Variants in FRMD5 observed in about 807,000 individuals in gnomAD.
FRMD5 encodes the protein FERM domain containing 5.
FRMD5 carries 20 observed loss-of-function variants against 69.0 expected under a neutral mutation model. That is an observed-to-expected ratio of 0.29 (90% CI 0.20 to 0.42). The LOEUF is 0.42. Ranked by LOEUF, FRMD5 falls within the 10% of genes least tolerant of loss-of-function variation. The pLI, the probability that FRMD5 is intolerant of heterozygous loss-of-function variation, is 1.00. For missense variants in FRMD5, 595 were observed against 708.6 expected (o/e 0.84, Z 1.82); for synonymous variants, 271 against 260.1 (o/e 1.04, Z -0.40).
intron 1 of FRMD5, among the ~76,000 whole-genome samples, chr15:44,012,889 C>T (rs1051027924): frequency 2.2e-4 from 34 of 151,650 alleles, no homozygotes; most frequent in Non-Finnish European, 4.4e-4. Flanking sequence ...GCCTCAGCCT[C>T]CCAAGTAGCT....
intron 1 of FRMD5, among the ~76,000 whole-genome samples, chr15:43,960,233 C>T (rs190182907): frequency 9.9e-4 from 151 of 151,798 alleles, no homozygotes; most frequent in Admixed American, 3.0e-3. Context: ...GGACTACAGG[C>T]GCCCACCACC....
At chr15:43,988,078 G>T (rs1242956084) in intron 1 of FRMD5, among the ~76,000 whole-genome samples, 1 of 152,122 alleles carries the variant, frequency 6.6e-6, no homozygotes, top group Non-Finnish European at 1.5e-5. Flanking sequence ...ATCTAATGCT[G>T]CTGCTGATCT....
intron 1 of FRMD5, among the ~76,000 whole-genome samples, chr15:44,114,387 T>C (rs951467952): frequency 6.6e-6 from 1 of 152,204 alleles, no homozygotes; most frequent in African/African-American, 2.4e-5. Context: ...TCTGAGTCTG[T>C]GTTCACCAAG....
chr15:43,938,119 T>C (rs1265778373), intron 1 of FRMD5, among the ~76,000 whole-genome samples: 1 of 151,252 alleles, frequency 6.6e-6, no homozygotes, highest in East Asian at 2.0e-4. Flanking sequence ...TAGTCCCAGC[T>C]ACTCGGGAGG....
chr15:43,976,504 T>C (rs1413367076), intron 1 of FRMD5, among the ~76,000 whole-genome samples: 1 of 152,094 alleles, frequency 6.6e-6, no homozygotes, highest in African/African-American at 2.4e-5. Flanking sequence ...AACAAAGATA[T>C]ATATGGATGG....
chr15:44,108,653 A>C (rs969391322), intron 1 of FRMD5, among the ~76,000 whole-genome samples: 3 of 151,834 alleles, frequency 2.0e-5, no homozygotes, highest in African/African-American at 7.3e-5. Flanking sequence ...CTCAATAACA[A>C]CACCAAAAAA....
chr15:43,883,744 G>T lies in FRMD5; in HGVS notation c.1094C>A (p.Pro365His). 6.2e-7 allele frequency: 1 copy of T among 1,613,862 alleles called. No homozygotes were observed. Among genetic ancestry groups the T allele is most frequent in the Non-Finnish European group, 8.5e-7 (1 of 1,179,856 alleles). Residue 365 changes from proline to histidine, a missense_variant, in exon 13 of 14, where the codon CCC becomes CAC. Pro to His is a moderately conservative substitution (Grantham distance 77, BLOSUM62 -2). Around this residue, in one of 5 missense-constraint regions of FRMD5, gnomAD observed 176 missense variants for 266.3 expected, o/e 0.66. Transcript: ENST00000417257. ...ITHGPRLSSV[P>H]RTRRRAVHIS... ...GTGAACAGCTCTTCTGCGGGTCCTG[G>T]GGACGCTGCTCAGCCTTGGGCCATG...
chr15:43,893,214 A>G (rs1215052208), intron 7 of FRMD5, among the ~76,000 whole-genome samples: 2 of 152,152 alleles, frequency 1.3e-5, no homozygotes, highest in East Asian at 1.9e-4. Flanking sequence ...ATCCACTTTC[A>G]TAATAGTCCT....
intron 1 of FRMD5, among the ~76,000 whole-genome samples, chr15:43,962,229 G>A (rs940847279): frequency 1.4e-4 from 21 of 152,228 alleles, no homozygotes; most frequent in African/African-American, 3.6e-4. Flanking sequence ...AAATCAATGT[G>A]CAAAAATCAC....
At chr15:44,042,665 C>T (rs1425690218) in intron 1 of FRMD5, among the ~76,000 whole-genome samples, 1 of 152,172 alleles carries the variant, frequency 6.6e-6, no homozygotes, top group African/African-American at 2.4e-5. Context: ...TAAACAGAAC[C>T]AATAACAAAA....
intron 1 of FRMD5, among the ~76,000 whole-genome samples, chr15:43,965,576 CT>C (rs35986581): frequency 0.13 from 14,359 of 110,392 alleles, 415 homozygotes; most frequent in Non-Finnish European, 0.18. Context: ...TTTAAAAAGT[CT>C]TTTTTTTTTT....
At chr15:44,012,030 C>T (rs1890743702) in intron 1 of FRMD5, among the ~76,000 whole-genome samples, 1 of 152,176 alleles carries the variant, frequency 6.6e-6, no homozygotes, top group Non-Finnish European at 1.5e-5. Flanking sequence ...CTTGACTCTT[C>T]TTTTTCCTTC....
chr15:43,944,858 G>C (rs1440335302), intron 1 of FRMD5, among the ~76,000 whole-genome samples: 1 of 152,114 alleles, frequency 6.6e-6, no homozygotes, highest in Non-Finnish European at 1.5e-5. Context: ...CTCCTTTCTG[G>C]AATTTTCCTC....
At chr15:43,966,216 C>G (rs891267481) in intron 1 of FRMD5, among the ~76,000 whole-genome samples, 2 of 151,656 alleles carry the variant, frequency 1.3e-5, no homozygotes, top group Non-Finnish European at 2.9e-5. Flanking sequence ...AATAAAAATA[C>G]AAAAGTTAGC....
At chr15:44,002,744 T>C (rs987415591) in intron 1 of FRMD5, among the ~76,000 whole-genome samples, 4 of 152,174 alleles carry the variant, frequency 2.6e-5, no homozygotes, top group Admixed American at 2.6e-4. Flanking sequence ...GATCTTTAAC[T>C]ACCAGGCCCA....
At chr15:44,140,899 A>T (rs2077263517) in intron 1 of FRMD5, among the ~76,000 whole-genome samples, 1 of 151,472 alleles carries the variant, frequency 6.6e-6, no homozygotes, top group African/African-American at 2.4e-5. Context: ...AAAAAAAAAA[A>T]AAAAATCCAA....
At chr15:44,174,947 T>TAATGC (rs1214341151) in intron 1 of FRMD5, among the ~76,000 whole-genome samples, 1 of 152,048 alleles carries the variant, frequency 6.6e-6, no homozygotes, top group Non-Finnish European at 1.5e-5. Flanking sequence ...AACAAATAAC[T>TAATGC]AATGCATGCG....
intron 4 of FRMD5, among the ~76,000 whole-genome samples, chr15:43,917,279 T>C (rs2089407769): frequency 6.6e-6 from 1 of 152,180 alleles, no homozygotes. Flanking sequence ...AACTTTGGGG[T>C]CTGCCCTGGC....
In FRMD5 at chr15:44,048,267, A is replaced by G. The variant is rs571408202; in HGVS notation, c.103-123958T>C. 1.1e-3 allele frequency among the ~76,000 whole-genome samples: 171 copies of G among 152,280 alleles called. 4 individuals carry two copies. In the South Asian group the frequency reaches 0.034, roughly 31 times the overall value. On this transcript the variant is annotated intron_variant, in intron 1 of 13. Transcript: ENST00000417257. ...AATTATAGCCATCCTAATGGGTATG[A>G]GGTGGTATCTCACTGTCGTTTTGAT...
Sources: allele counts gnomAD v4.1 joint callset (sites outside exome capture counted in the v4.1 genomes callset), GRCh38; gene constraint gnomAD v4.1.1; regional missense constraint gnomAD v4.1.1; transcripts MANE v1.5; gene names NCBI Gene and HGNC (gene_info 2026-07-23, HGNC 2026-07-21).